Variants in SMAP1 observed in about 807,000 individuals in gnomAD.
SMAP1 encodes the protein small ArfGAP 1.
Under a neutral mutation model 58.5 loss-of-function variants are expected in SMAP1, and 24 were observed. The ratio of observed to expected loss-of-function variants is 0.41; its 90% CI spans 0.30 to 0.58. The LOEUF is 0.58. Ranked by LOEUF, SMAP1 falls within the 20% of genes least tolerant of loss-of-function variation. The probability of loss-of-function intolerance (pLI) is 0.29; values close to 1 mark genes in which losing one functional copy is unlikely to be tolerated. For synonymous variants in SMAP1, 216 were observed against 196.6 expected, an observed-to-expected ratio of 1.10 and a Z score of -0.82; for missense variants, 563 against 566.3, an observed-to-expected ratio of 0.99 and a Z score of 0.06.
chr6:70,704,070 AATATGG>A (rs1767743025), intron 1 of SMAP1, among the ~76,000 whole-genome samples: 1 of 152,246 alleles, frequency 6.6e-6, no homozygotes, highest in Admixed American at 6.5e-5. Flanking sequence ...AAAACAACTC[AATATGG>A]TATTTTAGTA....
At chr6:70,860,114 GA>G in intron 10 of SMAP1, 85 bp from the exon 11 acceptor site, 23 of 1,452,370 alleles carry the variant, frequency 1.6e-5, no homozygotes, top group Non-Finnish European at 2.1e-5. Flanking sequence ...TCACATTAAT[GA>G]AAAAATGACC....
intron 4 of SMAP1, among the ~76,000 whole-genome samples, chr6:70,788,501 T>C (rs1323667620): frequency 2.0e-5 from 3 of 151,878 alleles, no homozygotes; most frequent in Non-Finnish European, 4.4e-5. Context: ...AGGGAAATAT[T>C]ATAGGAGGTG....
chr6:70,704,047 A>G (rs1382938974), intron 1 of SMAP1, among the ~76,000 whole-genome samples: 1 of 152,196 alleles, frequency 6.6e-6, no homozygotes, highest in Non-Finnish European at 1.5e-5. Flanking sequence ...CTGTTCCTTC[A>G]TATTTTGGTT....
At chr6:70,739,012 A>G (rs1313332556) in intron 2 of SMAP1, among the ~76,000 whole-genome samples, 1 of 152,200 alleles carries the variant, frequency 6.6e-6, no homozygotes, top group Non-Finnish European at 1.5e-5. Flanking sequence ...ATTAAAGTAC[A>G]ATATTTGTGT....
chr6:70,855,370 A>C (rs1231168182), intron 8 of SMAP1, among the ~76,000 whole-genome samples: 1 of 152,140 alleles, frequency 6.6e-6, no homozygotes, highest in Non-Finnish European at 1.5e-5. Context: ...GTTGAGGTAG[A>C]TATTTCATAT....
At chr6:70,699,502 A>T (rs1372644232) in intron 1 of SMAP1, among the ~76,000 whole-genome samples, 1 of 152,244 alleles carries the variant, frequency 6.6e-6, no homozygotes, top group East Asian at 1.9e-4. Flanking sequence ...CGAGCTCTCC[A>T]CTGGCCCAAG....
In SMAP1 at chr6:70,754,964, A is replaced by AT. The variant is rs760370681; in HGVS notation, c.253-8dup. On this transcript the variant is annotated splice_polypyrimidine_tract_variant and intron_variant, in intron 2 of 10. Coordinates refer to ENST00000370455, the MANE Select transcript of SMAP1 (RefSeq NM_001044305.3). ...TAATGTTTATGTGAGTAATTAAAAA[A>AT]TTTTTTTTATTATAGTGCATGCAAG... 5.7e-6 allele frequency: 9 copies of AT among 1,578,078 alleles called. No homozygotes were observed. The Admixed American group carries it at 8.9e-5, about 16-fold the overall frequency.
rs1396733544 is a variant in SMAP1 at position 70,720,893 on chromosome 6, G to C, written c.119-11485G>C. Among the ~76,000 whole-genome samples the C allele has an allele frequency of 3.3e-5, 5 of 152,188 alleles. 1 individual carries two copies. The highest frequency in any genetic ancestry group is 6.5e-5 in the Admixed American group (1 of 15,278). On this transcript the variant is annotated intron_variant, in intron 1 of 10. Transcript: ENST00000370455. ...CGCACCTGTGATGGGAGGGGCTGCTGTGAAGGTCTCTGACATGGCCTGGAG... is the reference window on the plus strand; with the variant it reads ...CGCACCTGTGATGGGAGGGGCTGCTCTGAAGGTCTCTGACATGGCCTGGAG...
chr6:70,824,321 A>G (rs548967390), intron 6 of SMAP1, among the ~76,000 whole-genome samples: 1 of 152,194 alleles, frequency 6.6e-6, no homozygotes, highest in African/African-American at 2.4e-5. Flanking sequence ...AGCTATTATT[A>G]TTATTATTTT....
intron 3 of SMAP1, among the ~76,000 whole-genome samples, chr6:70,771,635 T>C (rs2149912257): frequency 6.6e-6 from 1 of 152,162 alleles, no homozygotes; most frequent in South Asian, 2.1e-4. Context: ...AGTGACCCGA[T>C]TTTCCAGGTG....
chr6:70,861,015 A>G lies in SMAP1; in HGVS notation c.*681A>G, dbSNP rs781727552. ...TAACATGAAGACCTTTTTCTGCACT[A>G]TATGCAAACAGGGTAACTAACTAAA... On this transcript the variant is annotated 3_prime_UTR_variant, in exon 11 of 11. Transcript: ENST00000370455. The G allele has an allele frequency of 1.1e-4, 29 of 275,458 alleles. No homozygotes were observed. Among genetic ancestry groups the G allele is most frequent in the South Asian group, 3.4e-4 (2 of 5,892 alleles). 17.1% of individuals were successfully genotyped at this position (275,458 alleles called of 1,614,324 possible).
At chr6:70,823,345 G>A (rs563516980) in intron 6 of SMAP1, among the ~76,000 whole-genome samples, 79 of 152,262 alleles carry the variant, frequency 5.2e-4, no homozygotes, top group African/African-American at 1.9e-3. Flanking sequence ...TACTTCACAA[G>A]TGCCTCTATC....
At chr6:70,720,112 G>A (rs1006710007) in intron 1 of SMAP1, among the ~76,000 whole-genome samples, 1 of 152,164 alleles carries the variant, frequency 6.6e-6, no homozygotes, top group African/African-American at 2.4e-5. Flanking sequence ...AAAATCAAAA[G>A]CAAGGTAGTT....
At chr6:70,785,564 T>C (rs1476614635) in intron 4 of SMAP1, among the ~76,000 whole-genome samples, 3 of 151,678 alleles carry the variant, frequency 2.0e-5, no homozygotes, top group Non-Finnish European at 4.4e-5. Flanking sequence ...GCAGGACTAA[T>C]AAAGAAGAAA....
At chr6:70,830,279 T>G (rs1365271280) in intron 6 of SMAP1, among the ~76,000 whole-genome samples, 7 of 152,178 alleles carry the variant, frequency 4.6e-5, no homozygotes, top group Admixed American at 2.6e-4. Flanking sequence ...TTGCCATGTC[T>G]GAGATGAATG....
intron 4 of SMAP1, among the ~76,000 whole-genome samples, chr6:70,784,612 A>G (rs970924144): frequency 2.0e-5 from 3 of 152,214 alleles, no homozygotes; most frequent in Non-Finnish European, 4.4e-5. Context: ...AGGAAGATCT[A>G]CCAAGCAAAT....
intron 6 of SMAP1, among the ~76,000 whole-genome samples, chr6:70,805,080 T>C (rs530076913): frequency 6.6e-6 from 1 of 152,184 alleles, no homozygotes; most frequent in African/African-American, 2.4e-5. Context: ...TCCTGGATAA[T>C]ATCCTGAAGA....
intron 5 of SMAP1, among the ~76,000 whole-genome samples, chr6:70,796,676 G>C (rs1438118326): frequency 1.2e-4 from 19 of 152,150 alleles, no homozygotes; most frequent in African/African-American, 4.6e-4. Flanking sequence ...TCTTTTTTGA[G>C]AACTATCCCA....
intron 7 of SMAP1, among the ~76,000 whole-genome samples, chr6:70,851,867 G>C (rs547053667): frequency 2.0e-5 from 3 of 152,154 alleles, no homozygotes; most frequent in Non-Finnish European, 4.4e-5. Flanking sequence ...GGCTGTGCTG[G>C]AATAAATAAA....
Sources: allele counts gnomAD v4.1 joint callset (sites outside exome capture counted in the v4.1 genomes callset), GRCh38; gene constraint gnomAD v4.1.1; transcripts MANE v1.5; gene names NCBI Gene and HGNC (gene_info 2026-07-23, HGNC 2026-07-21).